Variants in GMDS observed in about 807,000 individuals in gnomAD.
The protein encoded by GMDS is GDP-mannose 4,6 dehydratase.
GMDS carries 20 observed loss-of-function variants against 49.9 expected under a neutral mutation model. The ratio of observed to expected loss-of-function variants is 0.40; its 90% confidence interval spans 0.28 to 0.58. GMDS has a LOEUF of 0.58. GMDS is among the 20% of genes least tolerant of loss of function. The probability of loss-of-function intolerance (pLI) is 0.42; values close to 1 mark genes in which losing one functional copy is unlikely to be tolerated. For synonymous variants in GMDS, 177 were observed against 178.6 expected (o/e 0.99, Z 0.07); for missense variants, 362 against 481.4 (o/e 0.75, Z 2.32).
intron 6 of GMDS, 25 bp from the exon 7 acceptor site, chr6:1,930,255 A>G (rs1762227528): frequency 6.2e-7 from 1 of 1,607,758 alleles, no homozygotes; most frequent in Non-Finnish European, 8.5e-7. Flanking sequence ...AAGATGTAGT[A>G]TCAGTCAAGT....
chr6:1,847,751 T>C (rs1005448186), intron 7 of GMDS, among the ~76,000 whole-genome samples: 3 of 152,230 alleles, frequency 2.0e-5, no homozygotes, highest in African/African-American at 4.8e-5. Context: ...TTTTTCACTT[T>C]GCCCCAATAC....
At chr6:2,016,003 C>T (rs552628636) in intron 4 of GMDS, among the ~76,000 whole-genome samples, 9 of 147,978 alleles carry the variant, frequency 6.1e-5, no homozygotes, top group African/African-American at 7.5e-5. Flanking sequence ...TTTGGGAGGC[C>T]GAGGCAGGCA....
At chr6:1,943,811 A>G (rs970760681) in intron 6 of GMDS, among the ~76,000 whole-genome samples, 1 of 152,176 alleles carries the variant, frequency 6.6e-6, no homozygotes, top group African/African-American at 2.4e-5. Flanking sequence ...ACCTCTGTAT[A>G]CACTTTTACC....
At chr6:1,758,321 AG>A (rs1768029767) in intron 7 of GMDS, among the ~76,000 whole-genome samples, 1 of 152,122 alleles carries the variant, frequency 6.6e-6, no homozygotes, top group Non-Finnish European at 1.5e-5. Context: ...ACTGGGAGAG[AG>A]TGAGTGTTTG....
chr6:1,841,440 C>T (rs1207630250), intron 7 of GMDS, among the ~76,000 whole-genome samples: 3 of 152,216 alleles, frequency 2.0e-5, no homozygotes, highest in African/African-American at 7.2e-5. Context: ...ACCTAACAAA[C>T]TCACAAGCTG....
intron 4 of GMDS, among the ~76,000 whole-genome samples, chr6:2,068,278 A>C (rs1312711553): frequency 1.3e-5 from 2 of 151,740 alleles, no homozygotes; most frequent in Non-Finnish European, 2.9e-5. Context: ...AAATAATAAG[A>C]GCTATCTATG....
chr6:1,773,963 A>T (rs1768685429), intron 7 of GMDS, among the ~76,000 whole-genome samples: 1 of 152,230 alleles, frequency 6.6e-6, no homozygotes, highest in Non-Finnish European at 1.5e-5. Context: ...AACTAAACTG[A>T]ATTTTGAGTA....
At chr6:1,863,036 T>A (rs1758268009) in intron 7 of GMDS, among the ~76,000 whole-genome samples, 1 of 152,226 alleles carries the variant, frequency 6.6e-6, no homozygotes, top group African/African-American at 2.4e-5. Context: ...TTTTAACATG[T>A]AAAATGTTTG....
At chr6:2,175,678 T>G (rs1581751919) in intron 1 of GMDS, among the ~76,000 whole-genome samples, 1 of 152,364 alleles carries the variant, frequency 6.6e-6, no homozygotes, top group African/African-American at 2.4e-5. Flanking sequence ...ATGAGCATGC[T>G]TTGGTTTTAA....
intron 6 of GMDS, among the ~76,000 whole-genome samples, chr6:1,946,411 C>T (rs765942567): frequency 7.9e-5 from 12 of 152,168 alleles, no homozygotes; most frequent in African/African-American, 1.4e-4. Flanking sequence ...GATATAACTA[C>T]AACTACTTCA....
chr6:2,227,725 C>T (rs577166811), intron 1 of GMDS, among the ~76,000 whole-genome samples: 1 of 152,306 alleles, frequency 6.6e-6, no homozygotes, highest in African/African-American at 2.4e-5. Context: ...GAAGGCTGTG[C>T]CACACAGAGG....
chr6:1,929,342 C>T (rs1236673519), intron 7 of GMDS, among the ~76,000 whole-genome samples: 1 of 152,184 alleles, frequency 6.6e-6, no homozygotes, highest in Non-Finnish European at 1.5e-5. Context: ...AATGTCTCTA[C>T]CATGCTTGCT....
intron 4 of GMDS, among the ~76,000 whole-genome samples, chr6:2,072,131 C>T (rs1416984181): frequency 6.6e-6 from 1 of 152,002 alleles, no homozygotes; most frequent in East Asian, 1.9e-4. Flanking sequence ...AGGTGTTTGG[C>T]CATGGATACA....
chr6:1,795,804 A>T (rs944017877), intron 7 of GMDS, among the ~76,000 whole-genome samples: 1 of 152,248 alleles, frequency 6.6e-6, no homozygotes, highest in African/African-American at 2.4e-5. Flanking sequence ...CAATTTAAAC[A>T]TCTCCTTAAT....
intron 4 of GMDS, among the ~76,000 whole-genome samples, chr6:2,079,045 T>TTTTTTTTTTTTTTTTTTAA (rs1772515483): frequency 7.5e-6 from 1 of 133,850 alleles, no homozygotes; most frequent in Non-Finnish European, 1.6e-5. Flanking sequence ...TTTTTTTTTT[T>TTTTTTTTTTTTTTTTTTAA]ACTGTGTTTG....
At chr6:2,206,006 C>A (rs1779790486) in intron 1 of GMDS, among the ~76,000 whole-genome samples, 1 of 152,130 alleles carries the variant, frequency 6.6e-6, no homozygotes, top group Non-Finnish European at 1.5e-5. Context: ...CACCTGTAAT[C>A]TCAGCGCTTT....
At chr6:1,678,450 A>T (rs1280757935) in intron 9 of GMDS, among the ~76,000 whole-genome samples, 1 of 152,146 alleles carries the variant, frequency 6.6e-6, no homozygotes, top group Non-Finnish European at 1.5e-5. Flanking sequence ...ACCTTGATTC[A>T]CTAAAGGAAC....
At chr6:1,685,176 C>T (rs900340030) in intron 9 of GMDS, among the ~76,000 whole-genome samples, 4 of 152,122 alleles carry the variant, frequency 2.6e-5, no homozygotes, top group African/African-American at 7.2e-5. Context: ...GTGGGCAGAT[C>T]ACTTGAGGTC....
chr6:1,646,399 C>T (rs190960295), intron 9 of GMDS, among the ~76,000 whole-genome samples: 3 of 152,300 alleles, frequency 2.0e-5, no homozygotes, highest in Non-Finnish European at 2.9e-5. Flanking sequence ...AAAAGCCAAA[C>T]TCTCACCCTG....
Sources: allele counts gnomAD v4.1 joint callset (sites outside exome capture counted in the v4.1 genomes callset), GRCh38; gene constraint gnomAD v4.1.1; transcripts MANE v1.5; gene names NCBI Gene and HGNC (gene_info 2026-07-23, HGNC 2026-07-21).